Variants in ERCC6L2 observed in about 807,000 individuals in gnomAD.
The protein encoded by ERCC6L2 is DNA excision repair protein ERCC-6-like 2.
ERCC6L2 carries 77 observed loss-of-function variants against 132.0 expected under a neutral mutation model. That is an observed-to-expected ratio of 0.58 (90% CI 0.49 to 0.71). The LOEUF (loss-of-function observed/expected upper bound fraction) is 0.71. Ranked by LOEUF, ERCC6L2 falls within the 30% of genes least tolerant of loss-of-function variation. The pLI, the probability that ERCC6L2 is intolerant of heterozygous loss-of-function variation, is 0.00. For synonymous variants in ERCC6L2, 583 were observed against 632.4 expected (o/e 0.92, Z 1.17); for missense variants, 1,542 against 1,837.6 (o/e 0.84, Z 2.94).
At chr9:95,900,480 G>T (rs1424383875) in intron 3 of ERCC6L2, among the ~76,000 whole-genome samples, 1 of 151,916 alleles carries the variant, frequency 6.6e-6, no homozygotes, top group Non-Finnish European at 1.5e-5. Flanking sequence ...AATTATCTGT[G>T]GCCCTAATTT....
downstream of ERCC6L2, among the ~76,000 whole-genome samples, chr9:96,022,443 A>G (rs979528215): frequency 6.6e-6 from 1 of 152,110 alleles, no homozygotes; most frequent in East Asian, 1.9e-4. Context: ...CTGCCCAACA[A>G]CGCTTCTGGG....
At chr9:96,010,836 T>C (rs561892596) in intron 18 of ERCC6L2, among the ~76,000 whole-genome samples, 2 of 152,340 alleles carry the variant, frequency 1.3e-5, no homozygotes, top group African/African-American at 2.4e-5. Flanking sequence ...CGGAGTCTTA[T>C]TTGCTGTTAT....
downstream of ERCC6L2, chr9:96,020,095 T>C: frequency 6.6e-6 from 1 of 152,648 alleles, no homozygotes; most frequent in Non-Finnish European, 1.5e-5. Context: ...GGCAGGAGAA[T>C]CTCTTGAACC....
intron 12 of ERCC6L2, among the ~76,000 whole-genome samples, chr9:95,950,531 T>C (rs1457692584): frequency 2.0e-5 from 3 of 152,164 alleles, no homozygotes; most frequent in Admixed American, 6.5e-5. Flanking sequence ...ATTCCATAAT[T>C]AAAAGATGTA....
chr9:95,888,509 C>T (rs2132550778), intron 2 of ERCC6L2, among the ~76,000 whole-genome samples: 1 of 152,250 alleles, frequency 6.6e-6, no homozygotes, highest in East Asian at 1.9e-4. Flanking sequence ...AAAACATGTT[C>T]TGGCTTTTTC....
At chr9:95,953,777 G>A (rs948504890) in intron 12 of ERCC6L2, among the ~76,000 whole-genome samples, 2 of 151,972 alleles carry the variant, frequency 1.3e-5, no homozygotes, top group Non-Finnish European at 2.9e-5. Context: ...AATATAAATT[G>A]TAACTAATTC....
intron 3 of ERCC6L2, among the ~76,000 whole-genome samples, chr9:95,901,093 C>G (rs1051702526): frequency 1.3e-5 from 2 of 151,224 alleles, no homozygotes; most frequent in African/African-American, 4.9e-5. Context: ...AAAAAAAATT[C>G]TTCAGTAAAT....
At position 95,955,148 on chromosome 9, in the gene ERCC6L2, G is replaced by T. The variant is rs116898589; in HGVS notation, c.1848-766G>T. 2.6e-5 allele frequency among the ~76,000 whole-genome samples: 4 copies of T among 152,108 alleles called. No homozygotes were observed. In the South Asian group the frequency reaches 8.3e-4, roughly 32 times the overall value. On this transcript the variant is annotated intron_variant, in intron 12 of 18. Transcript: ENST00000653738. ...AGACCTATAGTTAAACCACTGTGAT[G>T]AATCAGTTTAGAATTTTAATTAGCA...
chr9:96,023,168 C>T (rs144590613), downstream of ERCC6L2, among the ~76,000 whole-genome samples: 947 of 152,268 alleles, frequency 6.2e-3, 6 homozygotes, highest in Non-Finnish European at 7.8e-3. Flanking sequence ...CAGCATCCCA[C>T]CCCCACCACT....
At chr9:95,880,093 G>A (rs182641483) in intron 1 of ERCC6L2, among the ~76,000 whole-genome samples, 69 of 152,218 alleles carry the variant, frequency 4.5e-4, no homozygotes, top group Non-Finnish European at 8.8e-4. Flanking sequence ...TAAAGAGAGA[G>A]GTAATACTCT....
In ERCC6L2 at chr9:95,978,053, C is replaced by T; in HGVS notation, c.3338-8C>T. 7.4e-7 allele frequency: 1 copy of T among 1,358,218 alleles called. No individual in the cohort carries two copies. Among genetic ancestry groups the T allele is most frequent in the East Asian group, 4.6e-5 (1 of 21,748 alleles). The allele number at this position is 1,358,218 out of a possible 1,614,324, so 84.1% of individuals were successfully genotyped here. The stretch of plus-strand genomic sequence containing the variant: ...TACATCACTTAATAAACATAAATTA[C>T]CTCCTAGATGGCGTTCAGGAAGTGG... On this transcript the variant is annotated splice_region_variant and splice_polypyrimidine_tract_variant and intron_variant, in intron 16 of 18. Transcript: ENST00000653738.
intron 17 of ERCC6L2, among the ~76,000 whole-genome samples, chr9:95,991,947 G>A (rs1833316862): frequency 6.6e-6 from 1 of 152,112 alleles, no homozygotes; most frequent in Non-Finnish European, 1.5e-5. Context: ...TAGTGTCAAA[G>A]AAAATCCATA....
At chr9:95,927,085 C>A (rs767484440) in intron 9 of ERCC6L2, among the ~76,000 whole-genome samples, 24 of 152,122 alleles carry the variant, frequency 1.6e-4, no homozygotes, top group Admixed American at 3.9e-4. Flanking sequence ...TTCATATGTT[C>A]TCCAAATGTG....
chr9:96,000,621 C>A (rs1389644316), intron 17 of ERCC6L2, among the ~76,000 whole-genome samples: 4 of 152,146 alleles, frequency 2.6e-5, no homozygotes, highest in Admixed American at 6.5e-5. Flanking sequence ...TGTATCACCG[C>A]TTCAATCCCA....
rs990142749 is a variant in ERCC6L2 at position 96,013,712 on chromosome 9, G to C, written c.*509G>C. The C allele has an allele frequency of 6.6e-6, 1 of 152,170 alleles. No homozygotes were observed. Among genetic ancestry groups the C allele is most frequent in the Non-Finnish European group, 1.5e-5 (1 of 68,184 alleles). 9.4% of individuals were successfully genotyped at this position (152,170 alleles called of 1,614,324 possible). On this transcript the variant is annotated 3_prime_UTR_variant, in exon 19 of 19. Coordinates refer to ENST00000653738, the MANE Select transcript of ERCC6L2 (RefSeq NM_020207.7). ...TATTAAGTATTTTCTTTTTCCCTGG[G>C]CATCATGTTCTATTATTATTTTAGA...
chr9:96,025,277 G>A (rs77093121), intron 19 of ERCC6L2, among the ~76,000 whole-genome samples: 4,842 of 152,258 alleles, frequency 0.032, 106 homozygotes, highest in East Asian at 0.13. Context: ...CACTCTGGTG[G>A]GCTTCATTCT....
At chr9:95,882,764 C>A (rs1377902541) in intron 2 of ERCC6L2, among the ~76,000 whole-genome samples, 1 of 152,140 alleles carries the variant, frequency 6.6e-6, no homozygotes, top group Non-Finnish European at 1.5e-5. Flanking sequence ...TACCATTAAC[C>A]ATACTCTATG....
chr9:95,887,019 C>G (rs1011118756), intron 2 of ERCC6L2, among the ~76,000 whole-genome samples: 15 of 152,232 alleles, frequency 9.9e-5, no homozygotes, highest in African/African-American at 3.6e-4. Flanking sequence ...CTTCAGCCTG[C>G]AGACATGCTA....
chr9:95,956,063 T>A, intron 13 of ERCC6L2, 50 bp downstream of exon 13: 1 of 1,118,876 alleles, frequency 8.9e-7, no homozygotes, highest in Admixed American at 2.4e-5. Flanking sequence ...TTATCTGTTT[T>A]CAAAAATTAG....
Sources: allele counts gnomAD v4.1 joint callset (sites outside exome capture counted in the v4.1 genomes callset), GRCh38; gene constraint gnomAD v4.1.1; transcripts MANE v1.5; gene names NCBI Gene and HGNC (gene_info 2026-07-23, HGNC 2026-07-21).